KCMF1: variants seen among roughly 807,000 people sequenced by gnomAD.
KCMF1 encodes E3 ubiquitin-protein ligase KCMF1.
A neutral mutation model predicts 41.1 loss-of-function variants in KCMF1; 3 were observed. That is an observed-to-expected ratio of 0.07 (90% CI 0.03 to 0.19). The LOEUF (loss-of-function observed/expected upper bound fraction) is 0.19. Ranked by LOEUF, KCMF1 falls within the 10% of genes least tolerant of loss-of-function variation. The pLI, the probability that KCMF1 is intolerant of heterozygous loss-of-function variation, is 1.00. For synonymous variants in KCMF1, 142 were observed against 164.5 expected, an observed-to-expected ratio of 0.86 and a Z score of 1.04; for missense variants, 286 against 488.9, an observed-to-expected ratio of 0.58 and a Z score of 3.91.
chr2:84,997,944 T>C (rs1674216765), intron 1 of KCMF1, among the ~76,000 whole-genome samples: 1 of 151,230 alleles, frequency 6.6e-6, no homozygotes, highest in Admixed American at 6.6e-5. Context: ...TATTGTTTTT[T>C]GTATTTTTAG....
At chr2:85,002,593 CTT>C (rs1240534424) in intron 1 of KCMF1, among the ~76,000 whole-genome samples, 2 of 150,326 alleles carry the variant, frequency 1.3e-5, no homozygotes, top group East Asian at 3.9e-4. Context: ...AAGCTCCTGA[CTT>C]TATTGAGGTC....
At chr2:84,980,755 C>T (rs961881580) in intron 1 of KCMF1, among the ~76,000 whole-genome samples, 102 of 151,988 alleles carry the variant, frequency 6.7e-4, no homozygotes, top group African/African-American at 4.6e-4. Flanking sequence ...ATCCTCCTGC[C>T]GCAGCCTCCC....
intron 1 of KCMF1, among the ~76,000 whole-genome samples, chr2:84,978,566 A>C (rs1352946612): frequency 1.4e-5 from 2 of 146,544 alleles, no homozygotes; most frequent in African/African-American, 5.1e-5. Flanking sequence ...TTTTTTTTTG[A>C]GACAGAGTCT....
intron 1 of KCMF1, among the ~76,000 whole-genome samples, chr2:85,019,297 CATAAAATGACACAG>C (rs1674869574): frequency 6.6e-6 from 1 of 152,246 alleles, no homozygotes; most frequent in South Asian, 2.1e-4. Flanking sequence ...TAGTCTGTGT[CATAAAATGACACAG>C]ATTCTGACAC....
chr2:85,039,173 T>G (rs1675468234), intron 3 of KCMF1, among the ~76,000 whole-genome samples: 1 of 152,254 alleles, frequency 6.6e-6, no homozygotes, highest in Non-Finnish European at 1.5e-5. Flanking sequence ...TAGTCCATGG[T>G]AACAAAATTA....
intron 1 of KCMF1, among the ~76,000 whole-genome samples, chr2:84,974,691 ATTTT>A (rs869056943): frequency 3.4e-4 from 5 of 14,668 alleles, no homozygotes; most frequent in African/African-American, 7.0e-4. Context: ...ATATATATAT[ATTTT>A]TTTTTTTTTT....
At chr2:85,048,969 G>A (rs1675738003) in intron 5 of KCMF1, among the ~76,000 whole-genome samples, 2 of 152,160 alleles carry the variant, frequency 1.3e-5, no homozygotes, top group African/African-American at 4.8e-5. Flanking sequence ...TGATAGCTGG[G>A]AATATAGTCA....
In KCMF1 at chr2:85,035,290, T is replaced by C. The variant is rs1675381447; in HGVS notation, c.324+135T>C. ...CGTTTGCATAGTTATTAAAATCATCTTTTAACAGCAAATTTTATACATCAT... is the reference window on the plus strand; with the variant it reads ...CGTTTGCATAGTTATTAAAATCATCCTTTAACAGCAAATTTTATACATCAT... On this transcript the variant is annotated intron_variant, in intron 3 of 6. Coordinates refer to ENST00000409785, the MANE Select transcript of KCMF1 (RefSeq NM_020122.5). The C allele has an allele frequency of 3.6e-6, 3 of 842,448 alleles. No individual in the cohort carries two copies. In the Admixed American group the frequency reaches 9.5e-5, roughly 27 times the overall value. 52.2% of individuals were successfully genotyped at this position (842,448 alleles called of 1,614,324 possible).
chr2:85,047,434 A>G (rs114825814), intron 5 of KCMF1, among the ~76,000 whole-genome samples: 1,621 of 152,284 alleles, frequency 0.011, 30 homozygotes, highest in African/African-American at 0.037. Context: ...CCACATGGAC[A>G]CATTTCAGAA....
chr2:85,024,583 AGTGTGT>A (rs71390042), intron 1 of KCMF1, among the ~76,000 whole-genome samples: 41 of 124,320 alleles, frequency 3.3e-4, no homozygotes, highest in Non-Finnish European at 5.5e-4. Context: ...AGAGAGAGAG[AGTGTGT>A]GTGTGTGTGT....
At chr2:85,022,413 G>A (rs1427252608) in intron 1 of KCMF1, among the ~76,000 whole-genome samples, 1 of 152,166 alleles carries the variant, frequency 6.6e-6, no homozygotes, top group African/African-American at 2.4e-5. Context: ...GGTCGAGGCT[G>A]TAGTGAGCCG....
intron 1 of KCMF1, among the ~76,000 whole-genome samples, chr2:84,988,356 A>C (rs763793693): frequency 6.6e-6 from 1 of 152,244 alleles, no homozygotes; most frequent in Non-Finnish European, 1.5e-5. Flanking sequence ...AATACTTACT[A>C]TGTGCCAGGC....
intron 1 of KCMF1, among the ~76,000 whole-genome samples, chr2:84,974,786 A>G (rs1374206012): frequency 2.3e-5 from 3 of 132,014 alleles, no homozygotes; most frequent in Admixed American, 8.7e-5. Flanking sequence ...GCTCACTGCA[A>G]CCTGCACCTC....
intron 5 of KCMF1, among the ~76,000 whole-genome samples, chr2:85,049,135 T>C (rs900697868): frequency 2.6e-5 from 4 of 152,244 alleles, no homozygotes; most frequent in African/African-American, 9.6e-5. Flanking sequence ...AAGTTTTACT[T>C]CAAACATAAT....
intron 3 of KCMF1, 68 bp downstream of exon 3, chr2:85,035,223 G>A: frequency 7.4e-7 from 1 of 1,359,856 alleles, no homozygotes; most frequent in Non-Finnish European, 1.0e-6. Flanking sequence ...CATTAATAAA[G>A]CTAGGTCACT....
At chr2:85,018,933 C>T (rs1161974189) in intron 1 of KCMF1, among the ~76,000 whole-genome samples, 5 of 146,710 alleles carry the variant, frequency 3.4e-5, no homozygotes, top group Admixed American at 7.1e-5. Flanking sequence ...GATGGGATTT[C>T]ACCATGTTGA....
Position 85,001,447 on chromosome 2 carries a change from C to T in KCMF1, c.17-26442C>T, listed in dbSNP as rs114692972. On this transcript the variant is annotated intron_variant, in intron 1 of 6. Coordinates refer to ENST00000409785, the MANE Select transcript of KCMF1 (RefSeq NM_020122.5). ...GTGCTGGGATTACAGGTGTGAGTCA[C>T]TGCACCTGGCCCCCAGCCTTACATA... is the stretch of plus-strand genomic sequence containing the variant. 9.8e-3 allele frequency among the ~76,000 whole-genome samples: 1,488 copies of T among 152,300 alleles called. 24 individuals carry two copies. The highest frequency in any genetic ancestry group is 0.013 in the Non-Finnish European group (866 of 68,018).
chr2:85,044,869 G>C (rs1324726174), intron 4 of KCMF1, among the ~76,000 whole-genome samples: 1 of 152,182 alleles, frequency 6.6e-6, no homozygotes, highest in Non-Finnish European at 1.5e-5. Flanking sequence ...GTTTCTGGCA[G>C]TGTTCCCTGA....
At chr2:85,008,422 G>A (rs1004463916) in intron 1 of KCMF1, among the ~76,000 whole-genome samples, 2 of 45,754 alleles carry the variant, frequency 4.4e-5, no homozygotes, top group African/African-American at 6.3e-5. Context: ...TATATTATGT[G>A]ATATATATGA....
Sources: allele counts gnomAD v4.1 joint callset (sites outside exome capture counted in the v4.1 genomes callset), GRCh38; gene constraint gnomAD v4.1.1; transcripts MANE v1.5; gene names NCBI Gene and HGNC (gene_info 2026-07-23, HGNC 2026-07-21).